The following ADAM9 variants were observed in gnomAD, a reference collection of about 807,000 sequenced individuals.
ADAM9 encodes the protein disintegrin and metalloproteinase domain-containing protein 9.
ADAM9 carries 54 observed loss-of-function variants against 108.1 expected under a neutral mutation model. That is an observed-to-expected ratio of 0.50 (90% CI 0.40 to 0.63). The LOEUF is 0.63. Ranked by LOEUF, ADAM9 falls within the 20% of genes least tolerant of loss-of-function variation. The probability of loss-of-function intolerance (pLI) is 0.00; values close to 1 mark genes in which losing one functional copy is unlikely to be tolerated. For missense variants in ADAM9, 830 were observed against 997.7 expected, an observed-to-expected ratio of 0.83 and a Z score of 2.26; for synonymous variants, 316 against 336.0, an observed-to-expected ratio of 0.94 and a Z score of 0.65.
chr8:39,100,160 C>T (rs1232782499), intron 20 of ADAM9, among the ~76,000 whole-genome samples: 1 of 151,736 alleles, frequency 6.6e-6, no homozygotes, highest in Non-Finnish European at 1.5e-5. Flanking sequence ...GGCGCCTGGC[C>T]ACAATGTGAT....
Position 39,071,411 on chromosome 8 carries a change from G to A in ADAM9, c.1697+8G>A, listed in dbSNP as rs756816235. ...CAAGAAGTGTGCCACTGGGTAAGTG[G>A]AGGTGCGGTCATAATGGAATATGAA... On this transcript the variant is annotated splice_region_variant and intron_variant, in intron 15 of 21. Coordinates refer to ENST00000487273, the MANE Select transcript of ADAM9 (RefSeq NM_003816.3). The A allele has an allele frequency of 1.2e-5, 20 of 1,601,020 alleles. No homozygotes were observed. The South Asian group carries it at 2.2e-4, about 18-fold the overall frequency.
chr8:39,048,869 T>C (rs1488913507), intron 12 of ADAM9, among the ~76,000 whole-genome samples: 2 of 152,136 alleles, frequency 1.3e-5, no homozygotes, highest in Non-Finnish European at 2.9e-5. Context: ...GAGTCTCTTT[T>C]CTTTGATACA....
rs2129442222 is a variant in ADAM9, at chr8:39,080,904, GGTA to G, written c.1882-1730_1882-1728del. Among the ~76,000 whole-genome samples, 3 of 151,330 alleles carry G rather than the reference GGTA, an allele frequency of 2.0e-5. 1 individual carries two copies. The South Asian group carries it at 6.3e-4, about 32-fold the overall frequency. On this transcript the variant is annotated intron_variant, in intron 16 of 21. Coordinates refer to ENST00000487273, the MANE Select transcript of ADAM9 (RefSeq NM_003816.3). Reference sequence around the variant, plus strand: ...GGTGGCCATGGGTGGTAGGGGGAGTGGTAGTAGTATGTGAGAGGATGGTCTTAC... The same window carrying G: ...GGTGGCCATGGGTGGTAGGGGGAGTGGTAGTATGTGAGAGGATGGTCTTAC...
chr8:39,041,558 A>T (rs1837455886), intron 11 of ADAM9, among the ~76,000 whole-genome samples: 1 of 152,188 alleles, frequency 6.6e-6, no homozygotes, highest in Non-Finnish European at 1.5e-5. Context: ...TAGAAAAAAG[A>T]TTGGAGACAA....
chr8:39,068,385 T>C (rs1838560066), intron 14 of ADAM9, among the ~76,000 whole-genome samples: 1 of 152,062 alleles, frequency 6.6e-6, no homozygotes, highest in Admixed American at 6.6e-5. Context: ...GGCCAAGTCC[T>C]AGCTGTCAGT....
intron 1 of ADAM9, among the ~76,000 whole-genome samples, chr8:39,003,310 A>T (rs1388930630): frequency 6.6e-6 from 1 of 152,062 alleles, no homozygotes; most frequent in South Asian, 2.1e-4. Flanking sequence ...CAACTGGGGG[A>T]TGCTGTTGGC....
At chr8:39,015,963 A>G in intron 4 of ADAM9, 155 bp from the exon 5 acceptor site, 2 of 692,706 alleles carry the variant, frequency 2.9e-6, no homozygotes, top group Admixed American at 2.4e-5. Flanking sequence ...GGTCTAAAGA[A>G]TGCCATGTGA....
chr8:39,008,011 T>C, intron 2 of ADAM9, 28 bp downstream of exon 2: 1 of 1,514,744 alleles, frequency 6.6e-7, no homozygotes, highest in Non-Finnish European at 9.1e-7. Context: ...AGAAATAATA[T>C]GTGGTTAATT....
At chr8:39,033,136 A>G (rs13248462) in intron 11 of ADAM9, among the ~76,000 whole-genome samples, 6,856 of 152,294 alleles carry the variant, frequency 0.045, 172 homozygotes, top group Middle Eastern at 0.085. Flanking sequence ...GATCTTATAC[A>G]TATTTTGTTA....
At chr8:39,007,826 T>C (rs1836212151) in intron 1 of ADAM9, 60 bp from the exon 2 acceptor site, 3 of 1,150,338 alleles carry the variant, frequency 2.6e-6, no homozygotes, top group Non-Finnish European at 3.9e-6. Context: ...TTTCATTATA[T>C]TGTGTTCCCA....
At chr8:39,064,181 T>A (rs571557511) in intron 14 of ADAM9, among the ~76,000 whole-genome samples, 2 of 152,342 alleles carry the variant, frequency 1.3e-5, no homozygotes, top group Admixed American at 6.5e-5. Context: ...CTAGTGTTGA[T>A]ATGTTTTTGG....
intron 6 of ADAM9, among the ~76,000 whole-genome samples, chr8:39,018,336 G>T (rs747982577): frequency 1.3e-5 from 2 of 151,944 alleles, no homozygotes; most frequent in African/African-American, 4.8e-5. Flanking sequence ...ATTCTACTTC[G>T]CATGAATTTC....
chr8:39,048,157 G>A (rs2129437604), intron 12 of ADAM9, among the ~76,000 whole-genome samples: 1 of 152,210 alleles, frequency 6.6e-6, no homozygotes, highest in Admixed American at 6.5e-5. Flanking sequence ...CTGATCTCAG[G>A]TGATCTACCC....
chr8:39,080,667 C>T (rs969021910), intron 16 of ADAM9, among the ~76,000 whole-genome samples: 2 of 152,204 alleles, frequency 1.3e-5, no homozygotes, highest in Non-Finnish European at 2.9e-5. Context: ...CTTGGTACTT[C>T]TTCAGATCTG....
At chr8:39,014,491 G>A (rs2129432870) in intron 4 of ADAM9, 1 of 683,842 alleles carries the variant, frequency 1.5e-6, no homozygotes, top group African/African-American at 1.8e-5. Context: ...TTTCCTAAAA[G>A]AGGTGTGGTC....
At chr8:39,052,681 C>T (rs972327770) in intron 12 of ADAM9, among the ~76,000 whole-genome samples, 1 of 152,044 alleles carries the variant, frequency 6.6e-6, no homozygotes, top group African/African-American at 2.4e-5. Context: ...TGTTGTGGAA[C>T]CATTTAAAAT....
intron 9 of ADAM9, 60 bp downstream of exon 9, chr8:39,023,385 T>C (rs765115157): frequency 2.7e-4 from 403 of 1,490,768 alleles, no homozygotes; most frequent in Non-Finnish European, 3.5e-4. Context: ...TTTTTGCTTA[T>C]TTTCTTGTAT....
chr8:39,056,176 T>C (rs762095620), intron 14 of ADAM9, among the ~76,000 whole-genome samples: 45 of 152,250 alleles, frequency 3.0e-4, no homozygotes, highest in South Asian at 1.2e-3. Flanking sequence ...AGTTATTCTC[T>C]TACTGATAGA....
chr8:39,018,839 T>G lies in ADAM9; in HGVS notation c.607-14T>G, dbSNP rs766814763. 1 of 1,613,628 alleles carries G rather than the reference T, an allele frequency of 6.2e-7. No homozygotes were observed. Among genetic ancestry groups the G allele is most frequent in the African/African-American group, 1.3e-5 (1 of 74,936 alleles). ...AACTTCCTTTTGCCTTTATGATGTT[T>G]GTGTTTTTGACAGAGAAGAAGAGCT... On this transcript the variant is annotated splice_polypyrimidine_tract_variant and intron_variant, in intron 6 of 21. Coordinates refer to ENST00000487273, the MANE Select transcript of ADAM9 (RefSeq NM_003816.3).
Sources: gnomAD v4.1 joint callset for allele counts (sites outside exome capture counted in the v4.1 genomes callset) on GRCh38, gnomAD v4.1.1 for gene constraint, MANE v1.5 for transcripts, NCBI Gene and HGNC (gene_info 2026-07-23, HGNC 2026-07-21) for gene names.